Variants in GXYLT2 observed in about 807,000 individuals in gnomAD.
GXYLT2 encodes the protein glucoside xylosyltransferase 2, also known as glycosyltransferase 8 domain containing 4.
GXYLT2 carries 53 observed loss-of-function variants against 45.8 expected under a neutral mutation model. The observed-to-expected ratio is 1.16, with a 90% CI of 0.93 to 1.46. GXYLT2 has a LOEUF of 1.46. Among genes scored for constraint, GXYLT2 ranks in the 40% most tolerant of loss-of-function variants. The pLI is 0.00. For synonymous variants in GXYLT2, 219 were observed against 214.2 expected (o/e 1.02, Z -0.19); for missense variants, 551 against 544.4 (o/e 1.01, Z -0.12).
intron 1 of GXYLT2, among the ~76,000 whole-genome samples, chr3:72,901,288 C>G (rs923924356): frequency 1.0e-5 from 1 of 96,478 alleles, no homozygotes; most frequent in Non-Finnish European, 2.1e-5. Flanking sequence ...GACTCTGTCT[C>G]AAAAAAAAAA....
rs959150837 is a variant in GXYLT2, at chr3:72,952,072, G to A, written c.601-3026G>A. Among the ~76,000 whole-genome samples, 138 of 150,026 alleles carry A rather than the reference G, an allele frequency of 9.2e-4. 5 individuals are homozygous for A. Among genetic ancestry groups the A allele is most frequent in the Non-Finnish European group, 2.2e-4 (15 of 67,684 alleles). ...GGCTGGAGTGCAGTGTCATCATTTCGGCTCACTGCAACGCTCACCTCCCGG... is the reference window on the plus strand; with the variant it reads ...GGCTGGAGTGCAGTGTCATCATTTCAGCTCACTGCAACGCTCACCTCCCGG... On this transcript the variant is annotated intron_variant, in intron 3 of 6. Coordinates refer to ENST00000389617, the MANE Select transcript of GXYLT2 (RefSeq NM_001080393.2).
At chr3:72,944,934 A>G (rs1710375596) in intron 3 of GXYLT2, among the ~76,000 whole-genome samples, 1 of 152,120 alleles carries the variant, frequency 6.6e-6, no homozygotes, top group Non-Finnish European at 1.5e-5. Context: ...AAAGCAGGAT[A>G]TTCCCGTGAT....
chr3:72,910,342 T>C (rs1044555694), intron 2 of GXYLT2, among the ~76,000 whole-genome samples: 1 of 152,280 alleles, frequency 6.6e-6, no homozygotes, highest in Admixed American at 6.5e-5. Context: ...TTAATCGATA[T>C]GCCATACCAC....
intron 2 of GXYLT2, among the ~76,000 whole-genome samples, chr3:72,920,157 C>CA (rs1709804960): frequency 6.6e-6 from 1 of 151,610 alleles, no homozygotes; most frequent in Non-Finnish European, 1.5e-5. Context: ...TTTTTTGAGA[C>CA]AGAGTCTCAC....
chr3:72,896,241 C>T (rs560576712), intron 1 of GXYLT2, among the ~76,000 whole-genome samples: 1 of 152,314 alleles, frequency 6.6e-6, no homozygotes, highest in Non-Finnish European at 1.5e-5. Flanking sequence ...ACCGAACATG[C>T]CACACCAGAA....
At chr3:72,925,896 A>T (rs1192203702) in intron 3 of GXYLT2, among the ~76,000 whole-genome samples, 2 of 152,206 alleles carry the variant, frequency 1.3e-5, no homozygotes, top group Non-Finnish European at 2.9e-5. Context: ...AAAAATAATA[A>T]AGAGAGATTG....
chr3:72,961,190 G>T (rs1710761640), intron 5 of GXYLT2, among the ~76,000 whole-genome samples: 1 of 152,076 alleles, frequency 6.6e-6, no homozygotes. Flanking sequence ...ATCAAGGGGT[G>T]GAAAACTGAG....
chr3:72,961,749 C>T (rs1710775213), intron 5 of GXYLT2, among the ~76,000 whole-genome samples: 1 of 151,678 alleles, frequency 6.6e-6, no homozygotes, highest in African/African-American at 2.4e-5. Context: ...CTTGATCAGG[C>T]TCTAGAAGGG....
At chr3:72,973,564 G>C (rs1226039774) in intron 6 of GXYLT2, among the ~76,000 whole-genome samples, 1 of 152,228 alleles carries the variant, frequency 6.6e-6, no homozygotes. Flanking sequence ...AAACACAAAG[G>C]CTATTTATTT....
At chr3:72,889,024 A>G (rs1709124906) in intron 1 of GXYLT2, among the ~76,000 whole-genome samples, 1 of 152,182 alleles carries the variant, frequency 6.6e-6, no homozygotes, top group South Asian at 2.1e-4. Context: ...TTCTCCTTGA[A>G]AGGACTGATG....
At chr3:72,918,179 A>G (rs181473626) in intron 2 of GXYLT2, among the ~76,000 whole-genome samples, 1 of 152,326 alleles carries the variant, frequency 6.6e-6, no homozygotes, top group East Asian at 1.9e-4. Flanking sequence ...TGAATTTCAT[A>G]TAATTGTCAC....
chr3:72,967,351 A>G (rs1710885686), intron 5 of GXYLT2, among the ~76,000 whole-genome samples, 196 bp from the exon 6 acceptor site: 1 of 152,154 alleles, frequency 6.6e-6, no homozygotes, highest in Non-Finnish European at 1.5e-5. Flanking sequence ...CTACATCATC[A>G]CTGTGTGCCC....
chr3:72,945,155 G>A (rs1255881517), intron 3 of GXYLT2, among the ~76,000 whole-genome samples: 1 of 151,834 alleles, frequency 6.6e-6, no homozygotes, highest in Non-Finnish European at 1.5e-5. Context: ...GGGTGTGGTG[G>A]CAGGCGCCTG....
At chr3:72,955,077 A>C (rs1559748044) in intron 3 of GXYLT2, 21 bp from the exon 4 acceptor site, 2 of 1,611,046 alleles carry the variant, frequency 1.2e-6, no homozygotes, top group South Asian at 1.1e-5. Flanking sequence ...TCCCCTTTAC[A>C]CCCACTCCTT....
chr3:72,975,138 T>C lies in GXYLT2; in HGVS notation c.1311T>C (p.Val437=). The change falls in exon 7 of 7, where the codon GTT becomes GTC. Residue 437 remains valine, a synonymous_variant. Transcript: ENST00000389617. ...ATGAGAAACACGTCATCATCCATGTTGGCCCCAACCAGATGCACTGAATAT... is the reference window on the plus strand; with the variant it reads ...ATGAGAAACACGTCATCATCCATGTCGGCCCCAACCAGATGCACTGAATAT... ...RAYEKHVIIH[V]GPNQMH 1 of 1,613,466 alleles carries C rather than the reference T, an allele frequency of 6.2e-7. No individual in the cohort carries two copies. The highest frequency in any genetic ancestry group is 1.1e-5 in the South Asian group (1 of 90,966).
intron 1 of GXYLT2, among the ~76,000 whole-genome samples, chr3:72,892,941 C>G (rs953968345): frequency 2.2e-4 from 33 of 152,228 alleles, no homozygotes; most frequent in Non-Finnish European, 4.1e-4. Flanking sequence ...AAAATATGTC[C>G]CCAGTTCCAC....
At chr3:72,967,929 A>T in intron 6 of GXYLT2, among the ~76,000 whole-genome samples, 1 of 152,062 alleles carries the variant, frequency 6.6e-6, no homozygotes, top group East Asian at 1.9e-4. Context: ...TACACCATTC[A>T]TTATCTTTTA....
At chr3:72,921,590 A>C (rs1267383770) in intron 2 of GXYLT2, among the ~76,000 whole-genome samples, 5 of 151,892 alleles carry the variant, frequency 3.3e-5, no homozygotes, top group Non-Finnish European at 5.9e-5. Flanking sequence ...CACCATGCCC[A>C]GCTAATTTTT....
chr3:72,936,615 G>A (rs1288715607), intron 3 of GXYLT2, among the ~76,000 whole-genome samples: 2 of 152,144 alleles, frequency 1.3e-5, no homozygotes, highest in Non-Finnish European at 2.9e-5. Context: ...ACTCCAGTCT[G>A]GGTGACAGAG....
Sources: gnomAD v4.1 joint callset for allele counts (sites outside exome capture counted in the v4.1 genomes callset) on GRCh38, gnomAD v4.1.1 for gene constraint, MANE v1.5 for transcripts, NCBI Gene and HGNC (gene_info 2026-07-23, HGNC 2026-07-21) for gene names.